Variants in LPP observed in about 807,000 individuals in gnomAD.
LPP encodes LIM domain containing preferred translocation partner in lipoma, also known as lipoma-preferred partner.
In LPP, 38 loss-of-function variants were observed where a neutral mutation model predicts 60.4. The observed-to-expected ratio is 0.63, with a 90% CI of 0.49 to 0.83. The LOEUF (loss-of-function observed/expected upper bound fraction) is 0.83, where lower values mean the gene tolerates loss of function less well. Ranked by LOEUF, LPP falls within the 40% of genes least tolerant of loss-of-function variation. The pLI is 0.00. For synonymous variants in LPP, 328 were observed against 290.8 expected (o/e 1.13, Z -1.30); for missense variants, 902 against 783.6 (o/e 1.15, Z -1.80).
At chr3:188,295,979 T>A (rs557647628) in intron 2 of LPP, among the ~76,000 whole-genome samples, 21 of 152,148 alleles carry the variant, frequency 1.4e-4, no homozygotes, top group African/African-American at 5.1e-4. Context: ...GCCTCAAGTC[T>A]TTAAGTTTCC....
chr3:188,240,453 C>G (rs1723910123), intron 2 of LPP, among the ~76,000 whole-genome samples: 1 of 151,728 alleles, frequency 6.6e-6, no homozygotes, highest in Admixed American at 6.6e-5. Flanking sequence ...ACAGTAGCAA[C>G]TTCATAGGCA....
chr3:188,571,926 T>C (rs1267550951), intron 6 of LPP, among the ~76,000 whole-genome samples: 1 of 152,106 alleles, frequency 6.6e-6, no homozygotes, highest in Non-Finnish European at 1.5e-5. Context: ...GACTAATTAC[T>C]GTTACGTGGT....
Position 188,607,398 on chromosome 3 carries a change from TATATATATATATATATATAA to T in LPP, c.430-1762_430-1743del, listed in dbSNP as rs1377808986. ...ATATATATATATATATATATATATA[TATATATATATATATATATAA>T]TTTTTTTTTCCTTTGCAGTTTTACG... is the stretch of plus-strand genomic sequence containing the variant. On this transcript the variant is annotated intron_variant, in intron 6 of 11. Transcript: ENST00000617246. 4.6e-3 allele frequency among the ~76,000 whole-genome samples: 308 copies of T among 67,530 alleles called. 6 individuals are homozygous for T. The highest frequency in any genetic ancestry group is 0.011 in the African/African-American group (275 of 24,764). 44.3% of individuals were successfully genotyped at this position (67,530 alleles called of 152,430 possible).
At chr3:188,316,039 C>T (rs1030837812) in intron 2 of LPP, among the ~76,000 whole-genome samples, 4 of 152,066 alleles carry the variant, frequency 2.6e-5, no homozygotes, top group Non-Finnish European at 5.9e-5. Flanking sequence ...TTTGGGAGGC[C>T]GAGGCAGGCA....
intron 11 of LPP, among the ~76,000 whole-genome samples, chr3:188,873,607 C>A (rs964761387): frequency 6.6e-6 from 1 of 150,592 alleles, no homozygotes; most frequent in African/African-American, 2.5e-5. Flanking sequence ...GATCCATTAT[C>A]TTCTTTGATC....
chr3:188,732,229 C>T (rs1204883300), intron 8 of LPP, among the ~76,000 whole-genome samples: 1 of 152,076 alleles, frequency 6.6e-6, no homozygotes, highest in African/African-American at 2.4e-5. Context: ...TATGGTTCCC[C>T]CATGGAAATG....
chr3:188,581,885 T>C (rs6444302), intron 6 of LPP, among the ~76,000 whole-genome samples: 148,209 of 152,104 alleles, frequency 0.97, 72,328 homozygotes, highest in Middle Eastern at 1. Flanking sequence ...TTTCCTTTAT[T>C]ATCCAACTTA....
intron 2 of LPP, among the ~76,000 whole-genome samples, chr3:188,265,870 G>GGT (rs55722565): frequency 0.24 from 35,069 of 143,146 alleles, 4,205 homozygotes; most frequent in Middle Eastern, 0.33. Flanking sequence ...GGATTACTCT[G>GGT]GTGTGTGTGT....
intron 9 of LPP, among the ~76,000 whole-genome samples, chr3:188,810,574 T>A (rs1750626945): frequency 6.6e-6 from 1 of 152,222 alleles, no homozygotes; most frequent in Admixed American, 6.5e-5. Context: ...ATCTTTTTTG[T>A]GTCTAATTTA....
At chr3:188,483,476 C>G (rs771888412) in intron 4 of LPP, among the ~76,000 whole-genome samples, 2 of 152,164 alleles carry the variant, frequency 1.3e-5, no homozygotes, top group Non-Finnish European at 1.5e-5. Flanking sequence ...TAGAAAAGAT[C>G]TCTTCTCCAA....
chr3:188,194,354 A>C (rs538755315), intron 1 of LPP, among the ~76,000 whole-genome samples: 1 of 152,182 alleles, frequency 6.6e-6, no homozygotes, highest in East Asian at 1.9e-4. Context: ...AGTTATTACC[A>C]CTCAGCTCTT....
chr3:188,228,784 T>G (rs1381024469), intron 2 of LPP, among the ~76,000 whole-genome samples: 1 of 152,168 alleles, frequency 6.6e-6, no homozygotes, highest in Non-Finnish European at 1.5e-5. Flanking sequence ...TCACCCTTAT[T>G]TTTTTGATCT....
At chr3:188,188,724 G>C (rs548203412) in intron 1 of LPP, among the ~76,000 whole-genome samples, 2 of 152,278 alleles carry the variant, frequency 1.3e-5, no homozygotes, top group South Asian at 4.1e-4. Flanking sequence ...GAAATACATA[G>C]TGATGGGAAG....
intron 7 of LPP, among the ~76,000 whole-genome samples, chr3:188,648,899 C>T (rs1042657365): frequency 2.6e-5 from 4 of 152,126 alleles, no homozygotes; most frequent in Non-Finnish European, 5.9e-5. Context: ...CTAAGATGCA[C>T]ATGTCAAAAA....
At chr3:188,476,951 G>A (rs1803394930) in intron 4 of LPP, among the ~76,000 whole-genome samples, 1 of 152,188 alleles carries the variant, frequency 6.6e-6, no homozygotes, top group Non-Finnish European at 1.5e-5. Flanking sequence ...CTCTCCCAGA[G>A]AGTTCTCAAA....
chr3:188,169,656 G>A, intron 1 of LPP, among the ~76,000 whole-genome samples: 1 of 152,166 alleles, frequency 6.6e-6, no homozygotes, highest in East Asian at 1.9e-4. Context: ...CCTCCCGGAA[G>A]GTTTGTTTCC....
At chr3:188,714,460 T>TGCAGTCTGTAGTTCTTCTCTTGACCATG (rs1560104765) in intron 8 of LPP, among the ~76,000 whole-genome samples, 2 of 152,362 alleles carry the variant, frequency 1.3e-5, no homozygotes, top group East Asian at 3.9e-4. Context: ...TCAGCCATTT[T>TGCAGTCTGTAGTTCTTCTCTTGACCATG]GCAGTCTGTA....
chr3:188,576,151 G>T (rs182824969), intron 6 of LPP, among the ~76,000 whole-genome samples: 4 of 152,274 alleles, frequency 2.6e-5, no homozygotes, highest in Admixed American at 2.6e-4. Context: ...TTCAGGAAAG[G>T]TCGTAGCCCT....
At chr3:188,697,060 C>T (rs1037417203) in intron 7 of LPP, among the ~76,000 whole-genome samples, 1 of 152,058 alleles carries the variant, frequency 6.6e-6, no homozygotes, top group African/African-American at 2.4e-5. Context: ...ACTGGTCAAG[C>T]AAAAAAACAT....
Sources: gnomAD v4.1 joint callset for allele counts (sites outside exome capture counted in the v4.1 genomes callset) on GRCh38, gnomAD v4.1.1 for gene constraint, MANE v1.5 for transcripts, NCBI Gene and HGNC (gene_info 2026-07-23, HGNC 2026-07-21) for gene names.